Variants in NEDD4L observed in about 807,000 individuals in gnomAD.
NEDD4L encodes E3 ubiquitin-protein ligase NEDD4-like.
A neutral mutation model predicts 148.9 loss-of-function variants in NEDD4L; 54 were observed. The observed-to-expected ratio is 0.36, with a 90% CI of 0.29 to 0.45. The LOEUF is 0.45. Among genes scored for constraint, NEDD4L ranks in the 20% least tolerant of loss-of-function variants. NEDD4L has a pLI of 1.00. For missense variants in NEDD4L, 856 were observed against 1,233.8 expected, an observed-to-expected ratio of 0.69 and a Z score of 4.59; for synonymous variants, 433 against 440.7, an observed-to-expected ratio of 0.98 and a Z score of 0.22.
intron 2 of NEDD4L, among the ~76,000 whole-genome samples, chr18:58,184,724 C>T (rs552074414): frequency 1.3e-5 from 2 of 151,932 alleles, no homozygotes; most frequent in Admixed American, 1.3e-4. Flanking sequence ...GTCAGGAGAT[C>T]GAGACCATCC....
chr18:58,269,240 A>C (rs1238785483), intron 5 of NEDD4L, among the ~76,000 whole-genome samples: 1 of 152,028 alleles, frequency 6.6e-6, no homozygotes, highest in Non-Finnish European at 1.5e-5. Flanking sequence ...GGGATCGAGC[A>C]GTATTTATCT....
At chr18:58,228,825 A>G (rs1255491303) in intron 2 of NEDD4L, among the ~76,000 whole-genome samples, 1 of 151,172 alleles carries the variant, frequency 6.6e-6, no homozygotes, top group African/African-American at 2.4e-5. Flanking sequence ...ATATTCCTAA[A>G]GTCTCAGTTC....
intron 2 of NEDD4L, among the ~76,000 whole-genome samples, chr18:58,183,680 G>C (rs1467608683): frequency 6.6e-6 from 1 of 152,212 alleles, no homozygotes. Flanking sequence ...TCGTGCACTT[G>C]TGGGTGTCAT....
At chr18:58,330,605 CCTCA>C in intron 10 of NEDD4L, 129 bp from the exon 11 acceptor site, 1 of 562,362 alleles carries the variant, frequency 1.8e-6, no homozygotes, top group Non-Finnish European at 2.9e-6. Context: ...AGGTTGTGTG[CCTCA>C]TGAGAGGCAC....
chr18:58,129,528 T>C (rs1222040862), intron 1 of NEDD4L, among the ~76,000 whole-genome samples: 2 of 152,236 alleles, frequency 1.3e-5, no homozygotes, highest in Non-Finnish European at 2.9e-5. Flanking sequence ...CTGGCCCATC[T>C]TGAGTTGGAG....
intron 19 of NEDD4L, among the ~76,000 whole-genome samples, chr18:58,363,893 G>A (rs1426361792): frequency 2.0e-5 from 3 of 152,198 alleles, no homozygotes; most frequent in Non-Finnish European, 2.9e-5. Flanking sequence ...ATTCTGGGTT[G>A]TATGTTAGAA....
At chr18:58,288,544 T>TAA (rs1221258433) in intron 5 of NEDD4L, among the ~76,000 whole-genome samples, 2 of 152,244 alleles carry the variant, frequency 1.3e-5, no homozygotes, top group East Asian at 3.8e-4. Flanking sequence ...AACTGAATTT[T>TAA]ATAGTTTAAT....
intron 3 of NEDD4L, chr18:58,247,133 C>T (rs2047359626): frequency 6.6e-6 from 1 of 152,238 alleles, no homozygotes. Context: ...CCTTTAGAGG[C>T]GGGTGCTTAG....
In NEDD4L at chr18:58,283,355, C is replaced by T. The variant is rs369867120; in HGVS notation, c.297+31301C>T. ...CCTCCCAAAGTGCTGGGATTACAGG[C>T]GTGAGCCACCATGCCCAGCCCATAC... On this transcript the variant is annotated intron_variant, in intron 5 of 30. Transcript: ENST00000400345. Among the ~76,000 whole-genome samples the T allele has an allele frequency of 3.9e-5, 6 of 152,276 alleles. No individual in the cohort carries two copies. In the South Asian group the frequency reaches 8.3e-4, roughly 21 times the overall value.
intron 5 of NEDD4L, among the ~76,000 whole-genome samples, chr18:58,289,024 G>A (rs956110994): frequency 6.6e-6 from 1 of 152,170 alleles, no homozygotes; most frequent in Non-Finnish European, 1.5e-5. Flanking sequence ...GAGAATTTAA[G>A]TGTTTCTACT....
rs151052244 is a variant in NEDD4L, at chr18:58,334,894, C to T, written c.1066-584C>T. Among the ~76,000 whole-genome samples, 268 of 152,194 alleles carry T rather than the reference C, an allele frequency of 1.8e-3. 2 individuals carry two copies. The highest frequency in any genetic ancestry group is 0.011 in the Admixed American group (174 of 15,290). On this transcript the variant is annotated intron_variant, in intron 12 of 30. Coordinates refer to ENST00000400345, the MANE Select transcript of NEDD4L (RefSeq NM_001144967.3). ...GACTTAATAATAAGCTTGATAAGAG[C>T]GTCTTTTCTGGGATGGTTTCAGTAC...
At chr18:58,212,124 T>C (rs1356585218) in intron 2 of NEDD4L, among the ~76,000 whole-genome samples, 20 of 152,124 alleles carry the variant, frequency 1.3e-4, no homozygotes, top group Non-Finnish European at 1.0e-4. Context: ...TTTGAACATA[T>C]ATTTTATTTT....
chr18:58,337,410 C>T (rs949732423), intron 13 of NEDD4L, among the ~76,000 whole-genome samples: 3 of 152,116 alleles, frequency 2.0e-5, no homozygotes, highest in African/African-American at 7.2e-5. Flanking sequence ...CTCTTCACCC[C>T]GTGTTTCCCT....
Position 58,044,341 on chromosome 18 carries a change from CG to C in NEDD4L, c.-316del, listed in dbSNP as rs1189047453. ...CGGGGCGGGAGGGAGGCGCGGGTCG[CG>C]GGGAGGGAAAGCCCGGCCGGGTCTG... On this transcript the variant is annotated 5_prime_UTR_variant, in exon 1 of 31. Coordinates refer to ENST00000400345, the MANE Select transcript of NEDD4L (RefSeq NM_001144967.3). 6.2e-6 allele frequency: 1 copy of C among 161,506 alleles called. No individual in the cohort carries two copies. The highest frequency in any genetic ancestry group is 2.4e-5 in the African/African-American group (1 of 41,504). The allele number at this position is 161,506 out of a possible 1,614,324, so 10.0% of individuals were successfully genotyped here.
chr18:58,184,581 C>T (rs2039233308), intron 2 of NEDD4L, among the ~76,000 whole-genome samples: 1 of 152,126 alleles, frequency 6.6e-6, no homozygotes, highest in Non-Finnish European at 1.5e-5. Flanking sequence ...AAAGGATTAA[C>T]ACAGTGTAGT....
intron 5 of NEDD4L, among the ~76,000 whole-genome samples, chr18:58,290,242 A>G (rs2054529784): frequency 6.6e-6 from 1 of 152,280 alleles, no homozygotes; most frequent in Non-Finnish European, 1.5e-5. Flanking sequence ...ACCATTTATC[A>G]GGAAGTTTAA....
chr18:58,096,363 TTTATTTTATTTTATTTTA>T (rs1371368331), intron 1 of NEDD4L, among the ~76,000 whole-genome samples: 3 of 66,834 alleles, frequency 4.5e-5, no homozygotes, highest in Non-Finnish European at 8.8e-5. Flanking sequence ...TTTATTTTAT[TTTATTTTATTTTATTTTA>T]TTTTATTTTA....
chr18:58,055,409 T>A (rs961476532), intron 1 of NEDD4L, among the ~76,000 whole-genome samples: 1 of 152,242 alleles, frequency 6.6e-6, no homozygotes, highest in African/African-American at 2.4e-5. Flanking sequence ...TGCTTACATG[T>A]GTTTTCTATA....
At chr18:58,178,648 C>T (rs535749792) in intron 2 of NEDD4L, among the ~76,000 whole-genome samples, 2 of 152,312 alleles carry the variant, frequency 1.3e-5, no homozygotes, top group African/African-American at 4.8e-5. Context: ...AAAGGATTGG[C>T]ATTCCTACTG....
Sources: allele counts gnomAD v4.1 joint callset (sites outside exome capture counted in the v4.1 genomes callset), GRCh38; gene constraint gnomAD v4.1.1; transcripts MANE v1.5; gene names NCBI Gene and HGNC (gene_info 2026-07-23, HGNC 2026-07-21).